The following TOX variants were observed in gnomAD, a reference collection of about 807,000 sequenced individuals.
The protein encoded by TOX is thymocyte selection-associated high mobility group box protein TOX.
Under a neutral mutation model 53.7 loss-of-function variants are expected in TOX, and 11 were observed. The observed-to-expected ratio is 0.20, with a 90% CI of 0.13 to 0.34. TOX has a LOEUF of 0.34. Among genes scored for constraint, TOX ranks in the 10% least tolerant of loss-of-function variants. The pLI, the probability that TOX is intolerant of heterozygous loss-of-function variation, is 1.00. For synonymous variants in TOX, 225 were observed against 245.3 expected, an observed-to-expected ratio of 0.92 and a Z score of 0.77; for missense variants, 570 against 664.6, an observed-to-expected ratio of 0.86 and a Z score of 1.56.
intron 7 of TOX, among the ~76,000 whole-genome samples, chr8:58,811,884 G>A (rs1810083271): frequency 6.6e-6 from 1 of 152,070 alleles, no homozygotes; most frequent in East Asian, 1.9e-4. Flanking sequence ...TATTCCTGGT[G>A]GACTACACAA....
intron 1 of TOX, among the ~76,000 whole-genome samples, chr8:58,960,958 T>A (rs1381465178): frequency 6.6e-6 from 1 of 152,228 alleles, no homozygotes; most frequent in Non-Finnish European, 1.5e-5. Context: ...GGTCTGAATA[T>A]ACTTTCATTG....
chr8:58,897,370 G>A (rs891228059), intron 3 of TOX, among the ~76,000 whole-genome samples: 6 of 152,116 alleles, frequency 3.9e-5, no homozygotes, highest in South Asian at 4.1e-4. Flanking sequence ...ATAAATTAAC[G>A]TGTCAGAAAA....
intron 1 of TOX, among the ~76,000 whole-genome samples, chr8:59,085,774 T>G (rs1178121958): frequency 6.6e-6 from 1 of 152,192 alleles, no homozygotes; most frequent in Admixed American, 6.5e-5. Flanking sequence ...TGAGTGACTC[T>G]TATTTAATCA....
intron 5 of TOX, 50 bp downstream of exon 5, chr8:58,838,031 C>G (rs1013065140): frequency 6.4e-7 from 1 of 1,571,622 alleles, no homozygotes; most frequent in African/African-American, 1.4e-5. Context: ...TTTCTTCAGA[C>G]TGCACAATCT....
At chr8:59,023,226 A>C (rs1047116155) in intron 1 of TOX, among the ~76,000 whole-genome samples, 1 of 148,176 alleles carries the variant, frequency 6.7e-6, no homozygotes, top group Non-Finnish European at 1.5e-5. Context: ...AGAATAATTT[A>C]TGAATCCAGT....
intron 3 of TOX, among the ~76,000 whole-genome samples, chr8:58,936,163 G>T (rs934551043): frequency 3.3e-5 from 5 of 152,158 alleles, no homozygotes; most frequent in African/African-American, 1.2e-4. Flanking sequence ...AAGTTCTTTA[G>T]GTGGTTGTTG....
chr8:58,810,422 T>G (rs920059634), intron 7 of TOX, among the ~76,000 whole-genome samples: 4 of 152,174 alleles, frequency 2.6e-5, no homozygotes, highest in African/African-American at 9.6e-5. Context: ...CTCACTGCAG[T>G]CTCGACCTCC....
intron 3 of TOX, among the ~76,000 whole-genome samples, chr8:58,876,037 G>A (rs1455313666): frequency 6.6e-6 from 1 of 152,064 alleles, no homozygotes; most frequent in African/African-American, 2.4e-5. Context: ...ATTTAATAAA[G>A]TTTCCGAGAA....
At position 58,995,124 on chromosome 8, in the gene TOX, C is replaced by T. The variant is rs183984735; in HGVS notation, c.103-35116G>A. Among the ~76,000 whole-genome samples, 6 of 152,262 alleles carry T rather than the reference C, an allele frequency of 3.9e-5. No homozygotes were observed. In the East Asian group the frequency reaches 9.6e-4, roughly 24 times the overall value. On this transcript the variant is annotated intron_variant, in intron 1 of 8. Coordinates refer to ENST00000361421, the MANE Select transcript of TOX (RefSeq NM_014729.3). ...TTTTACTTTTCATCACCAATATCAC[C>T]ACCACCAATATCTTCTGCCACTAAC...
intron 1 of TOX, among the ~76,000 whole-genome samples, chr8:59,052,638 T>G (rs1803812122): frequency 6.6e-6 from 1 of 152,208 alleles, no homozygotes; most frequent in Admixed American, 6.5e-5. Context: ...TGTTTTTACA[T>G]GAGGCAACAT....
At chr8:59,013,769 TC>T (rs1813959202) in intron 1 of TOX, among the ~76,000 whole-genome samples, 2 of 152,196 alleles carry the variant, frequency 1.3e-5, no homozygotes, top group South Asian at 4.1e-4. Flanking sequence ...GCCCCAAATT[TC>T]CCCATCTGAA....
rs564573067 is a variant in TOX at position 58,816,792 on chromosome 8, C to T, written c.1006-1068G>A. Reference sequence around the variant, plus strand: ...GGGAGAACTGTGCCATGAGGGCTCTCGGGGTCCTTCTGCTCAATGCACCAC... The same window carrying T: ...GGGAGAACTGTGCCATGAGGGCTCTTGGGGTCCTTCTGCTCAATGCACCAC... On this transcript the variant is annotated intron_variant, in intron 6 of 8. Transcript: ENST00000361421. 1.8e-4 allele frequency among the ~76,000 whole-genome samples: 28 copies of T among 152,296 alleles called. No individual in the cohort carries two copies. In the East Asian group the frequency reaches 5.0e-3, roughly 27 times the overall value.
At chr8:58,832,562 A>T (rs1810479941) in intron 5 of TOX, among the ~76,000 whole-genome samples, 1 of 152,192 alleles carries the variant, frequency 6.6e-6, no homozygotes, top group Non-Finnish European at 1.5e-5. Context: ...AGCACCAATG[A>T]GGAGGAAATG....
intron 3 of TOX, among the ~76,000 whole-genome samples, chr8:58,931,490 T>C (rs1207669513): frequency 6.6e-6 from 1 of 152,208 alleles, no homozygotes; most frequent in Non-Finnish European, 1.5e-5. Context: ...AGCATTCAGA[T>C]GGCTGAGGCA....
chr8:58,891,193 G>GA (rs561215471), intron 3 of TOX, among the ~76,000 whole-genome samples: 35 of 151,882 alleles, frequency 2.3e-4, no homozygotes, highest in Non-Finnish European at 4.7e-4. Context: ...TGTCTTTTAA[G>GA]AAAATAAAAG....
At chr8:58,832,150 TATATA>T (rs1401101333) in intron 5 of TOX, among the ~76,000 whole-genome samples, 6 of 126,086 alleles carry the variant, frequency 4.8e-5, no homozygotes, top group Non-Finnish European at 8.8e-5. Context: ...ATATATGTAA[TATATA>T]ATATATGTAA....
intron 6 of TOX, among the ~76,000 whole-genome samples, chr8:58,824,433 C>A (rs1810334208): frequency 6.6e-6 from 1 of 152,160 alleles, no homozygotes; most frequent in Non-Finnish European, 1.5e-5. Context: ...CCCATCTTTC[C>A]AACTTCAGCT....
At chr8:58,976,219 T>G (rs1813097708) in intron 1 of TOX, among the ~76,000 whole-genome samples, 1 of 152,272 alleles carries the variant, frequency 6.6e-6, no homozygotes, top group South Asian at 2.1e-4. Flanking sequence ...ACTGCTGCTC[T>G]ATCAACTAAG....
intron 3 of TOX, among the ~76,000 whole-genome samples, chr8:58,921,057 G>A (rs1323609174): frequency 6.9e-6 from 1 of 145,604 alleles, no homozygotes; most frequent in Non-Finnish European, 1.5e-5. Flanking sequence ...TGCCTTATGT[G>A]GAGACACGGA....
Sources: allele counts gnomAD v4.1 joint callset (sites outside exome capture counted in the v4.1 genomes callset), GRCh38; gene constraint gnomAD v4.1.1; transcripts MANE v1.5; gene names NCBI Gene and HGNC (gene_info 2026-07-23, HGNC 2026-07-21).